The following TNFSF12 variants were observed in gnomAD, a reference collection of about 807,000 sequenced individuals.
TNFSF12 encodes TNF superfamily member 12, also known as tumor necrosis factor ligand superfamily member 12.
TNFSF12 carries 16 observed loss-of-function variants against 31.2 expected under a neutral mutation model. The observed-to-expected ratio is 0.51, with a 90% CI of 0.35 to 0.78. The LOEUF (loss-of-function observed/expected upper bound fraction) is 0.78. Among genes scored for constraint, TNFSF12 ranks in the 30% least tolerant of loss-of-function variants. The pLI is 0.01. For missense variants in TNFSF12, 324 were observed against 338.8 expected, an observed-to-expected ratio of 0.96 and a Z score of 0.34; for synonymous variants, 150 against 151.4, an observed-to-expected ratio of 0.99 and a Z score of 0.07.
intron 5 of TNFSF12, chr17:7,553,582 T>G (rs1297596644): frequency 8.2e-7 from 1 of 1,216,886 alleles, no homozygotes; most frequent in Non-Finnish European, 1.1e-6. Context: ...ACCTCCATTT[T>G]ACAGATGGAG....
intron 5 of TNFSF12, 47 bp from the exon 6 acceptor site, chr17:7,556,731 G>C (rs772437318): frequency 7.0e-7 from 1 of 1,436,184 alleles, no homozygotes; most frequent in South Asian, 1.7e-5. Flanking sequence ...GAGTGTGGGG[G>C]AGTCCTGTAG....
chr17:7,556,588 T>C (rs1311527095), intron 5 of TNFSF12, among the ~76,000 whole-genome samples, 190 bp from the exon 6 acceptor site: 1 of 152,222 alleles, frequency 6.6e-6, no homozygotes, highest in East Asian at 1.9e-4. Context: ...GCCATATACA[T>C]TAGATTTTTT....
At chr17:7,551,392 A>C in intron 5 of TNFSF12, among the ~76,000 whole-genome samples, 1 of 149,372 alleles carries the variant, frequency 6.7e-6, no homozygotes, top group African/African-American at 2.5e-5. Context: ...CTGCTTCCCC[A>C]CTCCACACCC....
intron 5 of TNFSF12, 117 bp from the exon 6 acceptor site, chr17:7,556,661 T>C (rs576190126): frequency 2.2e-6 from 3 of 1,340,890 alleles, no homozygotes. Context: ...CCCGGGGTGA[T>C]CTATGTGTCT....
chr17:7,549,384 C>T lies in TNFSF12; in HGVS notation c.159+72C>T. 1.4e-6 allele frequency: 2 copies of T among 1,408,088 alleles called. No homozygotes were observed. Among genetic ancestry groups the T allele is most frequent in the Non-Finnish European group, 1.9e-6 (2 of 1,067,390 alleles). 87.2% of individuals were successfully genotyped at this position (1,408,088 alleles called of 1,614,324 possible). A position where few individuals can be genotyped will look rare whatever the true frequency, so the allele number is the denominator to read the frequency against. On this transcript the variant is annotated intron_variant, in intron 1 of 6. Coordinates refer to ENST00000293825, the MANE Select transcript of TNFSF12 (RefSeq NM_003809.3). This position sits in a 1 kb window ranked among gnomAD's most constrained non-coding sequence, Gnocchi z 4.1. ...ACTGCAGAGGGGCCGCTGGGGGCCG[C>T]GTGGGCTGAAGGCAAGGGGAAGGGA...
rs943806178 is a variant in TNFSF12, at chr17:7,557,493, C to T, written c.*143C>T. On this transcript the variant is annotated 3_prime_UTR_variant, in exon 7 of 7. Coordinates refer to ENST00000293825, the MANE Select transcript of TNFSF12 (RefSeq NM_003809.3). The surrounding 1 kb of genome is among the most constrained non-coding windows in gnomAD (Gnocchi z 5.2). ...TCTAGAGGCTGCCTGGGCCTGTTCACGTGTTTTCCATCCCACATAAATACA... is the reference window on the plus strand; with the variant it reads ...TCTAGAGGCTGCCTGGGCCTGTTCATGTGTTTTCCATCCCACATAAATACA... 1.1e-5 allele frequency: 13 copies of T among 1,162,176 alleles called. No individual in the cohort carries two copies. Among genetic ancestry groups the T allele is most frequent in the South Asian group, 1.6e-5 (1 of 61,496 alleles). The allele number at this position is 1,162,176 out of a possible 1,614,324, so 72.0% of individuals were successfully genotyped here.
At position 7,550,021 on chromosome 17, in the gene TNFSF12, C is replaced by G. The variant is rs1197900777; in HGVS notation, c.208-99C>G. 1.4e-5 allele frequency: 22 copies of G among 1,587,702 alleles called. No individual in the cohort carries two copies. The highest frequency in any genetic ancestry group is 1.7e-5 in the Non-Finnish European group (20 of 1,158,916). On this transcript the variant is annotated intron_variant, in intron 2 of 6. Coordinates refer to ENST00000293825, the MANE Select transcript of TNFSF12 (RefSeq NM_003809.3). This position sits in a 1 kb window ranked among gnomAD's most constrained non-coding sequence, Gnocchi z 4.4. ...GAGGGGCTTAATCTGTCCCTGACTT[C>G]TGTGTCTATTGCTGGCTGGTGGCTC... is the stretch of plus-strand genomic sequence containing the variant.
chr17:7,549,594 T>A lies in TNFSF12; in HGVS notation c.207+73T>A. The A allele has an allele frequency of 6.9e-7, 1 of 1,456,744 alleles. No individual in the cohort carries two copies. 90.2% of individuals were successfully genotyped at this position (1,456,744 alleles called of 1,614,324 possible). A position where few individuals can be genotyped will look rare whatever the true frequency, so the allele number is the denominator to read the frequency against. On this transcript the variant is annotated intron_variant, in intron 2 of 6. Transcript: ENST00000293825. The surrounding 1 kb of genome is among the most constrained non-coding windows in gnomAD (Gnocchi z 4.1). ...GTGCACAGCCGAGGCTGCAGGTGTG[T>A]GCAGCTGTGCCAGCCGTACTCGAGG...
chr17:7,555,619 G>C (rs1318506740), intron 5 of TNFSF12, among the ~76,000 whole-genome samples: 1 of 152,184 alleles, frequency 6.6e-6, no homozygotes, highest in Non-Finnish European at 1.5e-5. Context: ...AATGGAAACA[G>C]GGAATGCTGT....
chr17:7,557,243 C>A lies in TNFSF12; in HGVS notation c.643C>A (p.Leu215Met). ...PQLRLCQVSG[L>M]LALRPGSSLR... is the part of the protein sequence containing the mutation. Reference sequence around the variant, plus strand: ...GCTCCGCCTCTGCCAGGTGTCTGGGCTGTTGGCCCTGCGGCCAGGGTCCTC... The same window carrying A: ...GCTCCGCCTCTGCCAGGTGTCTGGGATGTTGGCCCTGCGGCCAGGGTCCTC... Residue 215 changes from leucine (L) to methionine (M), a missense_variant, in exon 7 of 7, where the codon CTG becomes ATG. Transcript: ENST00000293825. The surrounding 1 kb of genome is among the most constrained non-coding windows in gnomAD (Gnocchi z 5.2). 1.2e-6 allele frequency: 2 copies of A among 1,613,730 alleles called. No homozygotes were observed. Among genetic ancestry groups the A allele is most frequent in the Non-Finnish European group, 1.7e-6 (2 of 1,179,966 alleles).
chr17:7,553,295 C>T (rs1319169974), intron 5 of TNFSF12, among the ~76,000 whole-genome samples: 10 of 151,922 alleles, frequency 6.6e-5, no homozygotes, highest in South Asian at 2.1e-4. Context: ...GTGTTCCACC[C>T]GCTTCGGCCT....
Position 7,550,475 on chromosome 17 carries a change from G to T in TNFSF12, c.283+280G>T, listed in dbSNP as rs143873889. On this transcript the variant is annotated intron_variant, in intron 3 of 6. Transcript: ENST00000293825. The surrounding 1 kb of genome is among the most constrained non-coding windows in gnomAD (Gnocchi z 4.4). Reference sequence around the variant, plus strand: ...CCTGGCAGTCAGAGGCCTGGGCCCCGGTAGGCAAAGAGACTTAGGAATGGG... The same window carrying T: ...CCTGGCAGTCAGAGGCCTGGGCCCCTGTAGGCAAAGAGACTTAGGAATGGG... Among the ~76,000 whole-genome samples, 2 of 152,214 alleles carry T rather than the reference G, an allele frequency of 1.3e-5. No individual in the cohort carries two copies. Among genetic ancestry groups the T allele is most frequent in the South Asian group, 4.1e-4 (2 of 4,828 alleles).
In TNFSF12 at chr17:7,550,100, C is replaced by T. The variant is rs2070983364; in HGVS notation, c.208-20C>T. 6.2e-7 allele frequency: 1 copy of T among 1,614,010 alleles called. No individual in the cohort carries two copies. The highest frequency in any genetic ancestry group is 8.5e-7 in the Non-Finnish European group (1 of 1,179,992). On this transcript the variant is annotated intron_variant, in intron 2 of 6. Coordinates refer to ENST00000293825, the MANE Select transcript of TNFSF12 (RefSeq NM_003809.3). This position sits in a 1 kb window ranked among gnomAD's most constrained non-coding sequence, Gnocchi z 4.4. ...ATATCTCTGGGAGTCTGTGGTTGAA[C>T]CCTGCCCTAATTCCCCTAGGAACTG...
In TNFSF12 at chr17:7,550,657, G is replaced by C; in HGVS notation, c.284-142G>C. ...TATAGTCACTCTACTTACTGAGGAA[G>C]ATGAGGCCTGAGATTCTAAGGCCAG... On this transcript the variant is annotated intron_variant, in intron 3 of 6. Transcript: ENST00000293825. The surrounding 1 kb of genome is among the most constrained non-coding windows in gnomAD (Gnocchi z 4.4). 1.6e-6 allele frequency: 2 copies of C among 1,280,898 alleles called. No homozygotes were observed. The highest frequency in any genetic ancestry group is 2.2e-6 in the Non-Finnish European group (2 of 927,512). 79.3% of individuals were successfully genotyped at this position (1,280,898 alleles called of 1,614,324 possible). A position where few individuals can be genotyped will look rare whatever the true frequency, so the allele number is the denominator to read the frequency against.
In TNFSF12 at chr17:7,557,068, G is replaced by C. The variant is rs367772251; in HGVS notation, c.499-31G>C. The C allele has an allele frequency of 6.3e-7, 1 of 1,592,930 alleles. No homozygotes were observed. Among genetic ancestry groups the C allele is most frequent in the Non-Finnish European group, 8.6e-7 (1 of 1,166,452 alleles). ...GAAATTGAGGCGAGGGCAGGCAGAG[G>C]CCTGGACTCGGCCTGTTGTCCCCAC... is the stretch of plus-strand genomic sequence containing the variant. On this transcript the variant is annotated intron_variant, in intron 6 of 6. Coordinates refer to ENST00000293825, the MANE Select transcript of TNFSF12 (RefSeq NM_003809.3). The surrounding 1 kb of genome is among the most constrained non-coding windows in gnomAD (Gnocchi z 5.2).
At chr17:7,552,264 A>G (rs2071008395) in intron 5 of TNFSF12, among the ~76,000 whole-genome samples, 1 of 151,840 alleles carries the variant, frequency 6.6e-6, no homozygotes, top group Non-Finnish European at 1.5e-5. Flanking sequence ...ATGGCTGGAC[A>G]TTGTCGACTA....
Position 7,549,143 on chromosome 17 carries a change from C to T in TNFSF12, c.-11C>T. ...GGGGGGGCGGTGAGGCAGGCACAGCCCCCCGCCCCCATGGCCGCCCGTCGG... is the reference window on the plus strand; with the variant it reads ...GGGGGGGCGGTGAGGCAGGCACAGCTCCCCGCCCCCATGGCCGCCCGTCGG... On this transcript the variant is annotated 5_prime_UTR_variant, in exon 1 of 7. Coordinates refer to ENST00000293825, the MANE Select transcript of TNFSF12 (RefSeq NM_003809.3). The surrounding 1 kb of genome is among the most constrained non-coding windows in gnomAD (Gnocchi z 4.1). 9.4e-6 allele frequency: 12 copies of T among 1,275,086 alleles called. No homozygotes were observed. Among genetic ancestry groups the T allele is most frequent in the African/African-American group, 1.6e-5 (1 of 64,446 alleles). 79.0% of individuals were successfully genotyped at this position (1,275,086 alleles called of 1,614,324 possible). A position where few individuals can be genotyped will look rare whatever the true frequency, so the allele number is the denominator to read the frequency against.
intron 5 of TNFSF12, among the ~76,000 whole-genome samples, chr17:7,554,759 CGCCT>C (rs1051523467): frequency 7.9e-6 from 1 of 127,240 alleles, no homozygotes; most frequent in Non-Finnish European, 1.8e-5. Flanking sequence ...GGACTACAGG[CGCCT>C]GCCACCACGC....
At chr17:7,555,965 C>T (rs1567722142) in intron 5 of TNFSF12, among the ~76,000 whole-genome samples, 2 of 83,944 alleles carry the variant, frequency 2.4e-5, no homozygotes, top group Non-Finnish European at 5.4e-5. Flanking sequence ...TAAAAATGCC[C>T]AGTGAGCGTT....
Sources: gnomAD v4.1 joint callset for allele counts (sites outside exome capture counted in the v4.1 genomes callset) on GRCh38, gnomAD v4.1.1 for gene constraint, Gnocchi (gnomAD v3.1) non-coding constraint, MANE v1.5 for transcripts, NCBI Gene and HGNC (gene_info 2026-07-23, HGNC 2026-07-21) for gene names.